GNB4: variants seen among roughly 807,000 people sequenced by gnomAD.
GNB4 encodes the protein guanine nucleotide-binding protein subunit beta-4.
Under a neutral mutation model 45.2 loss-of-function variants are expected in GNB4, and 28 were observed. The observed-to-expected ratio is 0.62, with a 90% CI of 0.46 to 0.85. The LOEUF (loss-of-function observed/expected upper bound fraction) is 0.85, where lower values mean the gene tolerates loss of function less well. Among genes scored for constraint, GNB4 ranks in the 40% least tolerant of loss-of-function variants. The pLI, the probability that GNB4 is intolerant of heterozygous loss-of-function variation, is 0.00. For missense variants in GNB4, 321 were observed against 425.4 expected, an observed-to-expected ratio of 0.75 and a Z score of 2.16; for synonymous variants, 132 against 143.7, an observed-to-expected ratio of 0.92 and a Z score of 0.58.
chr3:179,443,886 G>A (rs1715654672), intron 1 of GNB4, among the ~76,000 whole-genome samples: 1 of 152,130 alleles, frequency 6.6e-6, no homozygotes, highest in South Asian at 2.1e-4. Flanking sequence ...ATCATTCAAA[G>A]GGTCTTATCT....
the GNB4 span, among the ~76,000 whole-genome samples, chr3:179,473,140 G>A: frequency 2.8e-4 from 42 of 151,224 alleles, no homozygotes; most frequent in African/African-American, 9.6e-4. Context: ...TCCAGCCTGG[G>A]CAACAGAGTG....
the GNB4 span, among the ~76,000 whole-genome samples, chr3:179,501,969 T>C: frequency 6.6e-6 from 1 of 152,120 alleles, no homozygotes; most frequent in African/African-American, 2.4e-5. Flanking sequence ...CTATTTTAGG[T>C]CTTTCTGTCA....
At chr3:179,527,601 A>G in the GNB4 span, among the ~76,000 whole-genome samples, 5 of 152,226 alleles carry the variant, frequency 3.3e-5, no homozygotes, top group Non-Finnish European at 7.3e-5. Context: ...TTGAGGCTTT[A>G]CAAAGTTAAA....
chr3:179,415,661 G>A (rs1387961949), intron 5 of GNB4, among the ~76,000 whole-genome samples: 3 of 152,084 alleles, frequency 2.0e-5, no homozygotes, highest in African/African-American at 4.8e-5. Flanking sequence ...AGAATACCAC[G>A]GCTAAACAGT....
chr3:179,428,476 T>C (rs1349534185), intron 1 of GNB4, among the ~76,000 whole-genome samples: 1 of 152,154 alleles, frequency 6.6e-6, no homozygotes, highest in African/African-American at 2.4e-5. Flanking sequence ...TAGCTGCCCT[T>C]GCTGACCATT....
chr3:179,448,980 C>T (rs1314605902), intron 1 of GNB4, among the ~76,000 whole-genome samples: 1 of 152,048 alleles, frequency 6.6e-6, no homozygotes, highest in Non-Finnish European at 1.5e-5. Flanking sequence ...GATCAAGAAA[C>T]CATTTTATTT....
At chr3:179,506,172 G>A in the GNB4 span, among the ~76,000 whole-genome samples, 18 of 151,982 alleles carry the variant, frequency 1.2e-4, no homozygotes, top group African/African-American at 3.9e-4. Context: ...GTAAAACCCT[G>A]TGTCAATATA....
chr3:179,455,263 C>T (rs1715961125), upstream of GNB4, among the ~76,000 whole-genome samples: 1 of 152,122 alleles, frequency 6.6e-6, no homozygotes, highest in South Asian at 2.1e-4. Context: ...TGCTCTATGT[C>T]CTGTCATTCA....
chr3:179,487,755 A>C, the GNB4 span, among the ~76,000 whole-genome samples: 1 of 152,106 alleles, frequency 6.6e-6, no homozygotes, highest in Non-Finnish European at 1.5e-5. Context: ...GCAATATTAA[A>C]ACACTTGCAG....
the GNB4 span, among the ~76,000 whole-genome samples, chr3:179,468,035 A>AAAAAAAAAATAT: frequency 2.2e-5 from 2 of 89,852 alleles, no homozygotes; most frequent in African/African-American, 8.0e-5. Flanking sequence ...TGTTGATAAA[A>AAAAAAAAAATAT]ATATATATAT....
upstream of GNB4, among the ~76,000 whole-genome samples, chr3:179,455,186 G>C (rs1395102223): frequency 2.0e-5 from 3 of 152,202 alleles, no homozygotes; most frequent in Non-Finnish European, 2.9e-5. Flanking sequence ...GTGACCTTAA[G>C]AGAGGGTCAA....
At chr3:179,493,128 A>C in the GNB4 span, among the ~76,000 whole-genome samples, 89 of 152,308 alleles carry the variant, frequency 5.8e-4, no homozygotes, top group African/African-American at 2.1e-3. Flanking sequence ...TGGCTCCCTC[A>C]ACTGTGCACA....
the GNB4 span, among the ~76,000 whole-genome samples, chr3:179,502,646 T>A: frequency 6.6e-6 from 1 of 152,102 alleles, no homozygotes; most frequent in Non-Finnish European, 1.5e-5. Context: ...AGGGGATAAT[T>A]GAGTAGGCAA....
the GNB4 span, among the ~76,000 whole-genome samples, chr3:179,508,254 T>C: frequency 2.0e-5 from 3 of 152,196 alleles, no homozygotes; most frequent in Non-Finnish European, 4.4e-5. Context: ...CCTAAAGTGC[T>C]GGGATTACAG....
chr3:179,453,304 T>C (rs960310078), upstream of GNB4, among the ~76,000 whole-genome samples: 1 of 152,188 alleles, frequency 6.6e-6, no homozygotes, highest in Admixed American at 6.5e-5. Context: ...GTATTTTTAG[T>C]AGACACGGGG....
intron 1 of GNB4, among the ~76,000 whole-genome samples, chr3:179,444,816 C>T (rs1715679021): frequency 6.6e-6 from 1 of 152,164 alleles, no homozygotes; most frequent in Non-Finnish European, 1.5e-5. Context: ...TTTTAACTAT[C>T]CTAAACATAA....
the GNB4 span, among the ~76,000 whole-genome samples, chr3:179,459,233 C>T: frequency 6.6e-6 from 1 of 151,694 alleles, no homozygotes. Context: ...AAAGAGTGTG[C>T]TCACTGTGCA....
At chr3:179,401,781 A>G (rs1714310861) in intron 9 of GNB4, among the ~76,000 whole-genome samples, 1 of 152,192 alleles carries the variant, frequency 6.6e-6, no homozygotes, top group Non-Finnish European at 1.5e-5. Flanking sequence ...GCCTCACATC[A>G]CTGCTTCCAA....
At chr3:179,510,020 G>A in the GNB4 span, among the ~76,000 whole-genome samples, 1 of 151,928 alleles carries the variant, frequency 6.6e-6, no homozygotes, top group Admixed American at 6.6e-5. Context: ...TTTTAAGACA[G>A]GGTCTCACTA....
Sources: allele counts gnomAD v4.1 joint callset (sites outside exome capture counted in the v4.1 genomes callset), GRCh38; gene constraint gnomAD v4.1.1; transcripts MANE v1.5; gene names NCBI Gene and HGNC (gene_info 2026-07-23, HGNC 2026-07-21).